Variants in TASP1 observed in about 807,000 individuals in gnomAD.
TASP1 encodes the protein threonine aspartase 1.
In TASP1, 16 loss-of-function variants were observed where a neutral mutation model predicts 56.6. That is an observed-to-expected ratio of 0.28 (90% confidence interval 0.19 to 0.43). The LOEUF is 0.43. Ranked by LOEUF, TASP1 falls within the 20% of genes least tolerant of loss-of-function variation. TASP1 has a pLI of 1.00. For synonymous variants in TASP1, 179 were observed against 184.2 expected, an observed-to-expected ratio of 0.97 and a Z score of 0.23; for missense variants, 393 against 511.6, an observed-to-expected ratio of 0.77 and a Z score of 2.24.
At chr20:13,292,280 C>G in the TASP1 span, 1 of 763,326 alleles carries the variant, frequency 1.3e-6, no homozygotes, top group South Asian at 1.7e-5. Flanking sequence ...ACAAAAAAGG[C>G]TTTGTTCAGG....
chr20:13,587,393 A>T (rs2037851519), intron 4 of TASP1, 23 bp from the exon 5 acceptor site: 1 of 1,572,212 alleles, frequency 6.4e-7, no homozygotes, highest in Non-Finnish European at 8.6e-7. Flanking sequence ...AACAAAAATT[A>T]AAATATCATT....
At chr20:13,151,406 A>G in the TASP1 span, among the ~76,000 whole-genome samples, 1 of 152,152 alleles carries the variant, frequency 6.6e-6, no homozygotes. Flanking sequence ...TGCTCCATTC[A>G]TTGTCTGTGG....
At chr20:13,447,730 A>G (rs1278385486) in intron 11 of TASP1, among the ~76,000 whole-genome samples, 4 of 152,148 alleles carry the variant, frequency 2.6e-5, no homozygotes, top group Non-Finnish European at 5.9e-5. Context: ...AGAAAATAAA[A>G]GCCCTCATTT....
chr20:13,560,377 C>T (rs2046305027), intron 7 of TASP1, among the ~76,000 whole-genome samples: 3 of 152,150 alleles, frequency 2.0e-5, no homozygotes, highest in Non-Finnish European at 4.4e-5. Flanking sequence ...TTTGCCAACA[C>T]TAGCACACTT....
At chr20:13,471,020 T>C (rs561739674) in intron 11 of TASP1, among the ~76,000 whole-genome samples, 1 of 152,308 alleles carries the variant, frequency 6.6e-6, no homozygotes, top group Admixed American at 6.5e-5. Flanking sequence ...ATACTCTTTT[T>C]CTAGCAATGG....
At chr20:13,611,854 T>A (rs991637303) in intron 4 of TASP1, among the ~76,000 whole-genome samples, 35 of 152,280 alleles carry the variant, frequency 2.3e-4, no homozygotes, top group African/African-American at 7.5e-4. Context: ...CTTATATTAG[T>A]CTCCTCATTT....
At chr20:13,265,508 G>A in the TASP1 span, among the ~76,000 whole-genome samples, 2 of 152,250 alleles carry the variant, frequency 1.3e-5, no homozygotes, top group East Asian at 3.9e-4. Context: ...TGACTCCTGT[G>A]TTCTTTCAAG....
chr20:13,202,220 A>G, the TASP1 span, among the ~76,000 whole-genome samples: 1 of 152,178 alleles, frequency 6.6e-6, no homozygotes, highest in East Asian at 1.9e-4. Context: ...CAATGGCACA[A>G]ATATTCCCTC....
At chr20:13,370,048 A>G in the TASP1 span, among the ~76,000 whole-genome samples, 6 of 152,170 alleles carry the variant, frequency 3.9e-5, no homozygotes, top group African/African-American at 1.4e-4. Flanking sequence ...ATCAAATACT[A>G]CTCATACTGA....
the TASP1 span, chr20:13,299,563 A>G: frequency 1.0e-6 from 1 of 995,058 alleles, no homozygotes; most frequent in Non-Finnish European, 1.5e-6. This position sits in a 1 kb window ranked among gnomAD's most constrained non-coding sequence, Gnocchi z 5.8. Context: ...GCGGTCGTGT[A>G]TATTTGTATA....
chr20:13,156,909 A>C, the TASP1 span, among the ~76,000 whole-genome samples: 7 of 152,150 alleles, frequency 4.6e-5, no homozygotes, highest in Non-Finnish European at 1.0e-4. Context: ...TGTCCAGAAA[A>C]AATAGTAGGT....
chr20:13,202,747 G>A, the TASP1 span, among the ~76,000 whole-genome samples: 1 of 152,224 alleles, frequency 6.6e-6, no homozygotes, highest in African/African-American at 2.4e-5. Flanking sequence ...GAAAACGGAA[G>A]TGAGGTACGG....
chr20:13,598,702 G>A (rs2047838185), intron 4 of TASP1, among the ~76,000 whole-genome samples: 2 of 152,116 alleles, frequency 1.3e-5, no homozygotes, highest in South Asian at 2.1e-4. Context: ...TTAAACTAAA[G>A]AGCTTCTGCA....
At chr20:13,348,781 C>T in the TASP1 span, among the ~76,000 whole-genome samples, 1 of 152,152 alleles carries the variant, frequency 6.6e-6, no homozygotes, top group Admixed American at 6.5e-5. Context: ...ATGCTGCTTC[C>T]TGTTATGTTG....
At chr20:13,352,383 G>C in the TASP1 span, among the ~76,000 whole-genome samples, 2 of 150,632 alleles carry the variant, frequency 1.3e-5, no homozygotes, top group Admixed American at 6.6e-5. Flanking sequence ...CCCAGAGGCA[G>C]AGGTAGCAGT....
At chr20:13,463,541 A>G (rs1365322416) in intron 11 of TASP1, among the ~76,000 whole-genome samples, 1 of 152,146 alleles carries the variant, frequency 6.6e-6, no homozygotes, top group Non-Finnish European at 1.5e-5. Context: ...TTAAAATTAA[A>G]AAGTTATTCT....
intron 5 of TASP1, among the ~76,000 whole-genome samples, chr20:13,584,754 C>G (rs2047244003): frequency 6.6e-6 from 1 of 152,018 alleles, no homozygotes; most frequent in African/African-American, 2.4e-5. Context: ...TGGAATTAAA[C>G]TAGAAATCAA....
intron 2 of TASP1, 84 bp from the exon 3 acceptor site, chr20:13,625,336 T>C: frequency 1.7e-6 from 2 of 1,143,160 alleles, no homozygotes; most frequent in Non-Finnish European, 1.2e-6. Context: ...TATAAACTGA[T>C]GCTGTCCTAG....
At chr20:13,607,918 G>A (rs1294040185) in intron 4 of TASP1, among the ~76,000 whole-genome samples, 11 of 152,078 alleles carry the variant, frequency 7.2e-5, no homozygotes, top group Non-Finnish European at 1.3e-4. Context: ...AGGCTTTAGT[G>A]AGCCAAGACT....
Sources: allele counts gnomAD v4.1 joint callset (sites outside exome capture counted in the v4.1 genomes callset), GRCh38; gene constraint gnomAD v4.1.1; non-coding constraint Gnocchi (gnomAD v3.1); transcripts MANE v1.5; gene names NCBI Gene and HGNC (gene_info 2026-07-23, HGNC 2026-07-21).